KCNB2: variants seen among roughly 807,000 people sequenced by gnomAD.
The protein encoded by KCNB2 is potassium voltage-gated channel subfamily B member 2.
In KCNB2, 15 loss-of-function variants were observed where a neutral mutation model predicts 61.5. The observed-to-expected ratio is 0.24, with a 90% CI of 0.16 to 0.38. The LOEUF (loss-of-function observed/expected upper bound fraction) is 0.38, where lower values mean the gene tolerates loss of function less well. Ranked by LOEUF, KCNB2 falls within the 10% of genes least tolerant of loss-of-function variation. KCNB2 has a pLI of 1.00. For missense variants in KCNB2, 828 were observed against 1,125.2 expected (o/e 0.74, Z 3.78); for synonymous variants, 457 against 446.0 (o/e 1.02, Z -0.31).
chr8:72,725,548 T>C (rs1452444514), intron 2 of KCNB2, among the ~76,000 whole-genome samples: 11 of 89,924 alleles, frequency 1.2e-4, no homozygotes, highest in African/African-American at 4.9e-4. Flanking sequence ...TATGTGTGTA[T>C]ATATATATGT....
At chr8:72,907,029 G>A (rs566665178) in intron 2 of KCNB2, among the ~76,000 whole-genome samples, 1 of 152,264 alleles carries the variant, frequency 6.6e-6, no homozygotes, top group African/African-American at 2.4e-5. Flanking sequence ...CAACCATGAA[G>A]TATCCTTGAT....
intron 1 of KCNB2, among the ~76,000 whole-genome samples, chr8:72,550,452 TC>T (rs1806330103): frequency 6.6e-6 from 1 of 152,190 alleles, no homozygotes; most frequent in African/African-American, 2.4e-5. Context: ...AACCCCTAGA[TC>T]CCTTGCAGTG....
chr8:72,920,267 A>G (rs778381019), intron 2 of KCNB2, among the ~76,000 whole-genome samples: 33 of 151,298 alleles, frequency 2.2e-4, no homozygotes, highest in Non-Finnish European at 1.5e-4. Context: ...ATATCAATCA[A>G]TAGTCTATCA....
chr8:72,593,840 C>T (rs376130534), intron 2 of KCNB2, among the ~76,000 whole-genome samples: 95 of 152,168 alleles, frequency 6.2e-4, no homozygotes, highest in Non-Finnish European at 9.6e-4. Flanking sequence ...AAATATTGAA[C>T]GAACCAGAGT....
intron 1 of KCNB2, among the ~76,000 whole-genome samples, chr8:72,559,170 G>A (rs1806472976): frequency 6.6e-6 from 1 of 151,504 alleles, no homozygotes; most frequent in Non-Finnish European, 1.5e-5. Context: ...TTTGGAGATG[G>A]AGTCCCATTC....
chr8:72,707,001 C>T (rs1807236866), intron 2 of KCNB2, among the ~76,000 whole-genome samples: 1 of 152,144 alleles, frequency 6.6e-6, no homozygotes, highest in Non-Finnish European at 1.5e-5. Flanking sequence ...AAATACCAAC[C>T]TTGTACTCCA....
At chr8:72,604,120 C>T (rs941602667) in intron 2 of KCNB2, among the ~76,000 whole-genome samples, 15 of 152,098 alleles carry the variant, frequency 9.9e-5, no homozygotes, top group African/African-American at 3.6e-4. Flanking sequence ...AGCTGTATGA[C>T]TTGGAACAAG....
intron 2 of KCNB2, among the ~76,000 whole-genome samples, chr8:72,732,619 A>C (rs977280988): frequency 1.3e-5 from 2 of 152,240 alleles, no homozygotes; most frequent in Non-Finnish European, 2.9e-5. Flanking sequence ...GCCCATATTT[A>C]CAGCAACTGA....
At chr8:72,794,383 G>A (rs1808993210) in intron 2 of KCNB2, among the ~76,000 whole-genome samples, 1 of 152,008 alleles carries the variant, frequency 6.6e-6, no homozygotes, top group Non-Finnish European at 1.5e-5. Context: ...TGGCCAACAT[G>A]GTGAAACCCC....
At chr8:72,891,659 G>A (rs1271393316) in intron 2 of KCNB2, among the ~76,000 whole-genome samples, 4 of 152,122 alleles carry the variant, frequency 2.6e-5, no homozygotes, top group African/African-American at 9.7e-5. Context: ...ATTACTAAAT[G>A]GATGACTTCA....
intron 2 of KCNB2, among the ~76,000 whole-genome samples, chr8:72,729,210 CA>C (rs761216016): frequency 2.0e-5 from 3 of 152,214 alleles, no homozygotes. Context: ...GAGGAAATCT[CA>C]GTTGACCTTC....
At chr8:72,668,051 G>T (rs1806507077) in intron 2 of KCNB2, among the ~76,000 whole-genome samples, 1 of 152,160 alleles carries the variant, frequency 6.6e-6, no homozygotes, top group Non-Finnish European at 1.5e-5. Flanking sequence ...AAAAGGATTT[G>T]GGCTGAAATC....
rs567900458 is a variant in KCNB2 at position 72,837,048 on chromosome 8, G to T, written c.580-98887G>T. On this transcript the variant is annotated intron_variant, in intron 2 of 2. Transcript: ENST00000523207. ...GGTCTGAACATTTCTCCAGATGATG[G>T]CATCTAATTCTATAAAAATGTGTTT... is the stretch of plus-strand genomic sequence containing the variant. 4.6e-5 allele frequency among the ~76,000 whole-genome samples: 7 copies of T among 152,222 alleles called. No homozygotes were observed. In the East Asian group the frequency reaches 1.2e-3, roughly 25 times the overall value.
At chr8:72,582,228 T>C (rs1234053871) in intron 2 of KCNB2, among the ~76,000 whole-genome samples, 1 of 152,124 alleles carries the variant, frequency 6.6e-6, no homozygotes, top group African/African-American at 2.4e-5. Context: ...CCAGGGCAGA[T>C]GGAATCTTAT....
intron 2 of KCNB2, among the ~76,000 whole-genome samples, chr8:72,650,722 A>G (rs916058999): frequency 1.3e-5 from 2 of 152,124 alleles, no homozygotes; most frequent in Non-Finnish European, 2.9e-5. Flanking sequence ...TTTAGGATTT[A>G]TAAGGTATAG....
At chr8:72,715,606 A>C (rs573890596) in intron 2 of KCNB2, among the ~76,000 whole-genome samples, 1 of 152,354 alleles carries the variant, frequency 6.6e-6, no homozygotes, top group South Asian at 2.1e-4. Context: ...ATGTTCTTTG[A>C]AACCAACGAG....
At chr8:72,815,673 C>T (rs1025816159) in intron 2 of KCNB2, among the ~76,000 whole-genome samples, 2 of 152,278 alleles carry the variant, frequency 1.3e-5, no homozygotes, top group African/African-American at 4.8e-5. Context: ...TCATACCTTA[C>T]ATCTTAAAAC....
intron 2 of KCNB2, among the ~76,000 whole-genome samples, chr8:72,868,819 C>T (rs1002281549): frequency 3.3e-5 from 5 of 152,054 alleles, no homozygotes; most frequent in African/African-American, 7.3e-5. Context: ...CAGAAGGGCA[C>T]GTGTGGGCCA....
intron 2 of KCNB2, among the ~76,000 whole-genome samples, chr8:72,764,470 A>G (rs919846507): frequency 6.6e-6 from 1 of 152,136 alleles, no homozygotes; most frequent in Non-Finnish European, 1.5e-5. Context: ...TCATGGTTCT[A>G]TCAACTAGTG....
Sources: allele counts gnomAD v4.1 joint callset (sites outside exome capture counted in the v4.1 genomes callset), GRCh38; gene constraint gnomAD v4.1.1; transcripts MANE v1.5; gene names NCBI Gene and HGNC (gene_info 2026-07-23, HGNC 2026-07-21).